Variants in FAIM observed in about 807,000 individuals in gnomAD.
The protein encoded by FAIM is Fas apoptotic inhibitory molecule, also known as fas apoptotic inhibitory molecule 1.
In FAIM, 14 loss-of-function variants were observed where a neutral mutation model predicts 21.2. That is an observed-to-expected ratio of 0.66 (90% CI 0.44 to 1.03). The LOEUF (loss-of-function observed/expected upper bound fraction) is 1.03, where lower values mean the gene tolerates loss of function less well. Among genes scored for constraint, FAIM ranks in the 50% least tolerant of loss-of-function variants. The pLI is 0.00. For synonymous variants in FAIM, 86 were observed against 80.4 expected (o/e 1.07, Z -0.37); for missense variants, 222 against 247.1 (o/e 0.90, Z 0.68).
In FAIM at chr3:138,619,759, AGAT is replaced by A; in HGVS notation, c.39_41del (p.Asp13del). 4.3e-6 allele frequency: 7 copies of A among 1,613,610 alleles called. No individual in the cohort carries two copies. The highest frequency in any genetic ancestry group is 5.9e-6 in the Non-Finnish European group (7 of 1,179,740). On this transcript the variant is annotated inframe_deletion, in exon 2 of 6. Coordinates refer to ENST00000360570, the MANE Select transcript of FAIM (RefSeq NM_001033031.2). ...CTGGAGATGACAGTCCTATCTTTGA[AGAT>A]GATGAAAGGTAAATGTCTTATATTG... is the stretch of plus-strand genomic sequence containing the variant.
At chr3:138,621,748 A>G (rs1672936) in intron 3 of FAIM, among the ~76,000 whole-genome samples, 70,475 of 152,104 alleles carry the variant, frequency 0.46, 18,698 homozygotes, top group South Asian at 0.63. Flanking sequence ...TTATTTTCTA[A>G]AACCTTGGCA....
intron 1 of FAIM, among the ~76,000 whole-genome samples, chr3:138,609,641 C>A (rs1302644966): frequency 6.9e-6 from 1 of 144,658 alleles, no homozygotes; most frequent in African/African-American, 2.6e-5. Flanking sequence ...CTCTCTCTCT[C>A]GACTGTACAT....
At chr3:138,631,649 CCTGT>C (rs1463787657) in intron 5 of FAIM, among the ~76,000 whole-genome samples, 1 of 152,134 alleles carries the variant, frequency 6.6e-6, no homozygotes, top group Admixed American at 6.5e-5. Flanking sequence ...CATCTTGTTG[CCTGT>C]GAGTTACAGC....
intron 1 of FAIM, among the ~76,000 whole-genome samples, chr3:138,609,533 ACTCT>A (rs1286573079): frequency 3.0e-4 from 1 of 3,368 alleles, no homozygotes; most frequent in Non-Finnish European, 6.2e-4. Context: ...AAGTGCTGAA[ACTCT>A]CTCTCTCTCT....
intron 1 of FAIM, chr3:138,611,121 A>G (rs1362245032): frequency 1.3e-5 from 14 of 1,052,824 alleles, no homozygotes; most frequent in Non-Finnish European, 1.9e-5. Context: ...ACATGTGTTT[A>G]TTAAATTGAA....
chr3:138,624,853 C>T (rs1423515500), intron 4 of FAIM, among the ~76,000 whole-genome samples: 1 of 151,824 alleles, frequency 6.6e-6, no homozygotes, highest in African/African-American at 2.4e-5. Flanking sequence ...GTGTTTCTCA[C>T]ATTGTGAATT....
chr3:138,609,533 ACTCTCTCTCTCTCTCTCT>A (rs1286573079), intron 1 of FAIM, among the ~76,000 whole-genome samples: 1 of 3,366 alleles, frequency 3.0e-4, no homozygotes, highest in Non-Finnish European at 6.2e-4. Context: ...AAGTGCTGAA[ACTCTCTCTCTCTCTCTCT>A]CTCTCTCTCT....
chr3:138,632,225 AATATT>A (rs2043013342), intron 5 of FAIM, among the ~76,000 whole-genome samples: 1 of 151,282 alleles, frequency 6.6e-6, no homozygotes, highest in Non-Finnish European at 1.5e-5. Flanking sequence ...GGTGAAGTTA[AATATT>A]ATATTTGATT....
At chr3:138,620,137 GA>G (rs2042868855) in intron 2 of FAIM, among the ~76,000 whole-genome samples, 1 of 152,198 alleles carries the variant, frequency 6.6e-6, no homozygotes, top group African/African-American at 2.4e-5. Flanking sequence ...TTTGGAGCCA[GA>G]ATCCTAGGTT....
At chr3:138,625,324 G>A (rs376421952) in intron 4 of FAIM, among the ~76,000 whole-genome samples, 4 of 151,938 alleles carry the variant, frequency 2.6e-5, no homozygotes, top group Non-Finnish European at 5.9e-5. Context: ...TTAGCTGGGC[G>A]TGGTGGTGGG....
Position 138,633,138 on chromosome 3 carries a change from G to A in FAIM, c.*59G>A. ...TTTTTAATTACTGTGGTAATTAAAT[G>A]TGTTCAGTATGTACTTATCAGTACA... On this transcript the variant is annotated 3_prime_UTR_variant, in exon 6 of 6. Transcript: ENST00000360570. The A allele has an allele frequency of 6.7e-7, 1 of 1,491,920 alleles. No homozygotes were observed. The highest frequency in any genetic ancestry group is 9.3e-7 in the Non-Finnish European group (1 of 1,080,776). 92.4% of individuals were successfully genotyped at this position (1,491,920 alleles called of 1,614,324 possible).
At chr3:138,619,937 G>A (rs146881980) in intron 2 of FAIM, among the ~76,000 whole-genome samples, 167 bp downstream of exon 2, 9 of 152,226 alleles carry the variant, frequency 5.9e-5, no homozygotes, top group Non-Finnish European at 1.0e-4. Flanking sequence ...AATACCTGGC[G>A]TGGAGGTAGC....
chr3:138,621,172 T>C, intron 2 of FAIM: 1 of 454,538 alleles, frequency 2.2e-6, no homozygotes, highest in Non-Finnish European at 3.9e-6. Flanking sequence ...TTAAGGTGGC[T>C]TTTTTTTAGA....
intron 1 of FAIM, among the ~76,000 whole-genome samples, chr3:138,617,092 A>T (rs930568524): frequency 1.3e-5 from 2 of 152,024 alleles, no homozygotes; most frequent in African/African-American, 2.4e-5. Context: ...TGTGATCATG[A>T]TTTCTAATCT....
At position 138,629,162 on chromosome 3, in the gene FAIM, T is replaced by C. The variant is rs370162510; in HGVS notation, c.456+6T>C. 3 of 1,607,374 alleles carry C rather than the reference T, an allele frequency of 1.9e-6. No individual in the cohort carries two copies. The highest frequency in any genetic ancestry group is 1.7e-6 in the Non-Finnish European group (2 of 1,175,750). On this transcript the variant is annotated splice_donor_region_variant and intron_variant, in intron 5 of 5. Coordinates refer to ENST00000360570, the MANE Select transcript of FAIM (RefSeq NM_001033031.2). ...GTAAAAAATTGGAGACAGCGGTAAG[T>C]TGACTATTTGATGACTCTAAGTGCC...
chr3:138,612,605 T>C (rs2042782547), intron 1 of FAIM, among the ~76,000 whole-genome samples: 1 of 152,176 alleles, frequency 6.6e-6, no homozygotes, highest in Non-Finnish European at 1.5e-5. Flanking sequence ...ACTTGGGTTG[T>C]TTTCATCTTT....
At chr3:138,629,031 A>G (rs2042972549) in intron 4 of FAIM, 76 bp from the exon 5 acceptor site, 1 of 1,129,418 alleles carries the variant, frequency 8.9e-7, no homozygotes. Context: ...CCTTTCCTAA[A>G]GTAATAAATA....
intron 1 of FAIM, among the ~76,000 whole-genome samples, chr3:138,609,472 G>A (rs1252227717): frequency 7.0e-6 from 1 of 143,786 alleles, no homozygotes; most frequent in Non-Finnish European, 1.5e-5. Context: ...CTTCCAGATG[G>A]TTTTTCCTTG....
chr3:138,624,609 C>T (rs924866247), intron 4 of FAIM, among the ~76,000 whole-genome samples: 1 of 152,134 alleles, frequency 6.6e-6, no homozygotes, highest in Non-Finnish European at 1.5e-5. Flanking sequence ...ATTGATATTG[C>T]TTGCACTTCT....
Sources: allele counts gnomAD v4.1 joint callset (sites outside exome capture counted in the v4.1 genomes callset), GRCh38; gene constraint gnomAD v4.1.1; transcripts MANE v1.5; gene names NCBI Gene and HGNC (gene_info 2026-07-23, HGNC 2026-07-21).